The following DNAH3 variants were observed in gnomAD, a reference collection of about 807,000 sequenced individuals.
DNAH3 encodes dynein axonemal heavy chain 3, also known as axonemal beta dynein heavy chain 3.
DNAH3 carries 332 observed loss-of-function variants against 432.5 expected under a neutral mutation model. The ratio of observed to expected loss-of-function variants is 0.77; its 90% CI spans 0.70 to 0.84. The LOEUF is 0.84. Ranked by LOEUF, DNAH3 falls within the 40% of genes least tolerant of loss-of-function variation. DNAH3 has a pLI of 0.00. For synonymous variants in DNAH3, 1,956 were observed against 1,900.2 expected (o/e 1.03, Z -0.76); for missense variants, 4,861 against 5,114.0 (o/e 0.95, Z 1.51).
chr16:21,026,893 T>C lies in DNAH3; in HGVS notation c.5540+134A>G. On this transcript the variant is annotated intron_variant, in intron 38 of 61. Coordinates refer to ENST00000261383, the Ensembl canonical transcript of DNAH3. ...ACCCCCTGGAACCTAAAATAAAAAT[T>C]GGAAAGAAAAATAATAATAATGTAG... is the stretch of plus-strand genomic sequence containing the variant. 4.9e-6 allele frequency: 3 copies of C among 616,986 alleles called. No individual in the cohort carries two copies. In the South Asian group the frequency reaches 6.0e-5, roughly 12 times the overall value. The allele number at this position is 616,986 out of a possible 1,614,324, so 38.2% of individuals were successfully genotyped here.
chr16:20,974,337 CA>C (rs1244563419), intron 51 of DNAH3, among the ~76,000 whole-genome samples: 1 of 151,980 alleles, frequency 6.6e-6, no homozygotes, highest in Non-Finnish European at 1.5e-5. Flanking sequence ...TGCCCCTGGC[CA>C]CTTTGTTTTG....
exon 14 of DNAH3, chr16:21,111,722 G>A: frequency 6.2e-7 from 1 of 1,614,058 alleles, no homozygotes; most frequent in Non-Finnish European, 8.5e-7. Flanking sequence ...TAGGGCCGTA[G>A]CATCAAGGCA....
chr16:20,962,031 C>T (rs945670909), intron 53 of DNAH3, among the ~76,000 whole-genome samples: 3 of 151,370 alleles, frequency 2.0e-5, no homozygotes, highest in Non-Finnish European at 2.9e-5. Context: ...CGTGGCAGCA[C>T]GTGCCTGTAA....
chr16:21,087,474 A>T (rs144059883), intron 18 of DNAH3, among the ~76,000 whole-genome samples: 1 of 152,196 alleles, frequency 6.6e-6, no homozygotes, highest in Admixed American at 6.5e-5. Context: ...GCTTGAGCCT[A>T]GCAGTTTGAG....
chr16:21,111,669 G>A, exon 14 of DNAH3: 1 of 1,613,936 alleles, frequency 6.2e-7, no homozygotes, highest in African/African-American at 1.3e-5. Flanking sequence ...AATTGAATCA[G>A]ATGGTCTTTA....
intron 56 of DNAH3, among the ~76,000 whole-genome samples, chr16:20,951,918 T>C (rs2084334128): frequency 6.6e-6 from 1 of 151,904 alleles, no homozygotes; most frequent in Non-Finnish European, 1.5e-5. Context: ...TAATTTTTTA[T>C]ATTTTTAGTA....
chr16:20,970,516 T>G (rs2085289822), intron 51 of DNAH3, among the ~76,000 whole-genome samples: 1 of 152,130 alleles, frequency 6.6e-6, no homozygotes, highest in Non-Finnish European at 1.5e-5. Context: ...AAGAGTGAAA[T>G]TGAAACTCTG....
At chr16:20,951,736 G>A (rs892498579) in intron 56 of DNAH3, among the ~76,000 whole-genome samples, 3 of 121,556 alleles carry the variant, frequency 2.5e-5, no homozygotes, top group African/African-American at 3.4e-5. Flanking sequence ...CGCCTGGCCC[G>A]TATTTTTTTT....
chr16:21,100,055 A>G (rs781108189), intron 16 of DNAH3, among the ~76,000 whole-genome samples: 1 of 152,148 alleles, frequency 6.6e-6, no homozygotes, highest in South Asian at 2.1e-4. Context: ...TTTCTTAAAC[A>G]TGATTTAGAG....
intron 14 of DNAH3, among the ~76,000 whole-genome samples, chr16:21,108,768 T>C (rs1301348659): frequency 6.6e-6 from 1 of 150,478 alleles, no homozygotes; most frequent in Non-Finnish European, 1.5e-5. Context: ...GTCCGAGTAG[T>C]GTGAAGGCTG....
intron 16 of DNAH3, among the ~76,000 whole-genome samples, chr16:21,102,680 T>C (rs1165842891): frequency 6.6e-6 from 1 of 152,096 alleles, no homozygotes; most frequent in African/African-American, 2.4e-5. Context: ...ATAACAAACC[T>C]GCACATGTAC....
At chr16:20,976,990 C>T (rs1050484039) in intron 50 of DNAH3, among the ~76,000 whole-genome samples, 4 of 152,196 alleles carry the variant, frequency 2.6e-5, no homozygotes, top group African/African-American at 9.7e-5. Flanking sequence ...CTCTATAAAA[C>T]ATTCCTGCCA....
chr16:20,969,981 C>G lies in DNAH3; in HGVS notation c.8269G>C (p.Glu2757Gln), dbSNP rs34223805. 2,172 of 1,613,954 alleles carry G rather than the reference C, an allele frequency of 1.3e-3. 9 individuals are homozygous for G. The highest frequency in any genetic ancestry group is 2.3e-3 in the South Asian group (206 of 91,086). The change falls in exon 52 of 62, where the codon GAG becomes CAG. Residue 2757 changes from glutamate (E) to glutamine (Q), a missense_variant. Glu to Gln is a conservative substitution (Grantham distance 29, BLOSUM62 2). Coordinates refer to ENST00000261383, the Ensembl canonical transcript of DNAH3. ...GGCATTGCCTCAGCTAGGTCCCCCT[C>G]ACATTCGTTCTGTGGGCGGCATGAG...
intron 59 of DNAH3, among the ~76,000 whole-genome samples, chr16:20,938,257 C>T (rs757406234): frequency 4.4e-4 from 67 of 152,072 alleles, no homozygotes; most frequent in African/African-American, 1.3e-3. Context: ...TGAGCATGCG[C>T]GCCTGTAATT....
Position 21,048,780 on chromosome 16 carries a change from G to A in DNAH3, c.4461+789C>T, listed in dbSNP as rs558788551. On this transcript the variant is annotated intron_variant, in intron 31 of 61. Coordinates refer to ENST00000261383, the Ensembl canonical transcript of DNAH3. The stretch of plus-strand genomic sequence containing the variant: ...TAGATCTTGGCTCATTGCAACCTCC[G>A]CCTCCCAGGTTCAAGCCATTCTCCT... Among the ~76,000 whole-genome samples, 4 of 150,258 alleles carry A rather than the reference G, an allele frequency of 2.7e-5. No individual in the cohort carries two copies. The East Asian group carries it at 5.9e-4, about 22-fold the overall frequency.
intron 53 of DNAH3, among the ~76,000 whole-genome samples, chr16:20,960,625 C>G (rs2084775214): frequency 6.6e-6 from 1 of 152,130 alleles, no homozygotes; most frequent in African/African-American, 2.4e-5. Flanking sequence ...TTGTTTGAAC[C>G]TGGGAAGAGG....
chr16:21,063,443 A>G (rs572714514), intron 24 of DNAH3, among the ~76,000 whole-genome samples: 1 of 151,822 alleles, frequency 6.6e-6, no homozygotes, highest in South Asian at 2.1e-4. Context: ...ATTTACATGC[A>G]GAGGCCTCTA....
At chr16:21,062,954 C>T in intron 24 of DNAH3, 1 of 367,704 alleles carries the variant, frequency 2.7e-6, no homozygotes, top group South Asian at 4.6e-5. Flanking sequence ...TCCTGAGTAG[C>T]TGGGATTACT....
Position 21,022,181 on chromosome 16 carries a change from G to C in DNAH3, c.5647-81C>G. Reference sequence around the variant, plus strand: ...ACCAAGAGCTTGGTCTACCTTGTGAGGCTAGAGATGCTGGTTAGACTGCTG... The same window carrying C: ...ACCAAGAGCTTGGTCTACCTTGTGACGCTAGAGATGCTGGTTAGACTGCTG... On this transcript the variant is annotated intron_variant, in intron 39 of 61. Transcript: ENST00000261383. The C allele has an allele frequency of 2.7e-6, 4 of 1,469,344 alleles. No individual in the cohort carries two copies. The South Asian group carries it at 4.7e-5, about 17-fold the overall frequency. 91.0% of individuals were successfully genotyped at this position (1,469,344 alleles called of 1,614,324 possible). A position where few individuals can be genotyped will look rare whatever the true frequency, so the allele number is the denominator to read the frequency against.
Sources: allele counts gnomAD v4.1 joint callset (sites outside exome capture counted in the v4.1 genomes callset), GRCh38; gene constraint gnomAD v4.1.1; transcripts MANE v1.5; gene names NCBI Gene and HGNC (gene_info 2026-07-23, HGNC 2026-07-21).